The following FSTL5 variants were observed in gnomAD, a reference collection of about 807,000 sequenced individuals.
FSTL5 encodes the protein follistatin like 5.
A neutral mutation model predicts 89.1 loss-of-function variants in FSTL5; 62 were observed. That is an observed-to-expected ratio of 0.70 (90% CI 0.57 to 0.86). The LOEUF (loss-of-function observed/expected upper bound fraction) is 0.86. Ranked by LOEUF, FSTL5 falls within the 40% of genes least tolerant of loss-of-function variation. The pLI is 0.00. For missense variants in FSTL5, 1,057 were observed against 1,001.6 expected (o/e 1.06, Z -0.75); for synonymous variants, 383 against 346.2 (o/e 1.11, Z -1.18).
intron 10 of FSTL5, among the ~76,000 whole-genome samples, chr4:161,511,590 G>A (rs1000483883): frequency 1.5e-4 from 23 of 151,970 alleles, no homozygotes; most frequent in Non-Finnish European, 3.4e-4. Flanking sequence ...GGGTGGTGAT[G>A]GATGTGTTAA....
At chr4:162,042,993 G>T (rs561766768) in intron 2 of FSTL5, among the ~76,000 whole-genome samples, 3 of 150,958 alleles carry the variant, frequency 2.0e-5, no homozygotes, top group African/African-American at 7.3e-5. Context: ...TATACCTAAT[G>T]CTAGATGACG....
intron 4 of FSTL5, among the ~76,000 whole-genome samples, chr4:161,827,298 GA>G (rs1477886306): frequency 6.6e-6 from 1 of 152,244 alleles, no homozygotes. Context: ...TCTGTGATGT[GA>G]ACCGTCTTCA....
At chr4:161,885,508 C>T (rs1732780013) in intron 4 of FSTL5, among the ~76,000 whole-genome samples, 1 of 152,110 alleles carries the variant, frequency 6.6e-6, no homozygotes, top group Non-Finnish European at 1.5e-5. Context: ...TGCAGTGGTA[C>T]AATCTTGGCT....
chr4:161,837,419 A>T (rs1368713067), intron 4 of FSTL5, among the ~76,000 whole-genome samples: 1 of 152,146 alleles, frequency 6.6e-6, no homozygotes, highest in Non-Finnish European at 1.5e-5. Flanking sequence ...ATAAGTTCTG[A>T]AAATATGCCT....
At chr4:162,054,096 T>C (rs899231496) in intron 2 of FSTL5, among the ~76,000 whole-genome samples, 5 of 151,846 alleles carry the variant, frequency 3.3e-5, no homozygotes, top group Non-Finnish European at 7.4e-5. Flanking sequence ...GAGCACAATA[T>C]GCATATACAC....
chr4:162,126,810 T>A (rs989844784), intron 1 of FSTL5, among the ~76,000 whole-genome samples: 1 of 152,216 alleles, frequency 6.6e-6, no homozygotes, highest in Non-Finnish European at 1.5e-5. Flanking sequence ...TATGCACTTA[T>A]GTATTTACTT....
At chr4:161,575,540 GC>G (rs1252464758) in intron 8 of FSTL5, among the ~76,000 whole-genome samples, 1 of 151,612 alleles carries the variant, frequency 6.6e-6, no homozygotes, top group African/African-American at 2.4e-5. Flanking sequence ...TGAAACCTCT[GC>G]CCCCTGGATT....
At chr4:161,992,861 A>T (rs1415764019) in intron 3 of FSTL5, among the ~76,000 whole-genome samples, 4 of 76,262 alleles carry the variant, frequency 5.2e-5, no homozygotes, top group Admixed American at 2.0e-4. Flanking sequence ...AAAAAAAAAA[A>T]ATATATATAT....
intron 6 of FSTL5, among the ~76,000 whole-genome samples, chr4:161,731,040 T>C (rs1005621192): frequency 2.0e-5 from 3 of 152,224 alleles, no homozygotes; most frequent in Non-Finnish European, 4.4e-5. Context: ...AAAACACTTG[T>C]AGTTACCAGT....
At chr4:161,600,735 T>A (rs1433476757) in intron 7 of FSTL5, among the ~76,000 whole-genome samples, 1 of 152,140 alleles carries the variant, frequency 6.6e-6, no homozygotes. Flanking sequence ...CATAATCGAA[T>A]GGCCCAAAAA....
chr4:162,029,856 G>T (rs1378248230), intron 3 of FSTL5, among the ~76,000 whole-genome samples: 1 of 150,770 alleles, frequency 6.6e-6, no homozygotes, highest in African/African-American at 2.4e-5. Context: ...AATAAAACAT[G>T]ATCTATTTTA....
At chr4:161,757,101 T>G (rs1740596357) in intron 6 of FSTL5, among the ~76,000 whole-genome samples, 1 of 152,100 alleles carries the variant, frequency 6.6e-6, no homozygotes, top group East Asian at 1.9e-4. Context: ...TTGGGCCAGG[T>G]TTTTCTAAAT....
intron 15 of FSTL5, among the ~76,000 whole-genome samples, chr4:161,434,035 G>A (rs538319601): frequency 2.4e-4 from 36 of 151,944 alleles, no homozygotes; most frequent in African/African-American, 8.7e-4. Flanking sequence ...CATTCTTCTC[G>A]AAACAGAAAA....
intron 2 of FSTL5, among the ~76,000 whole-genome samples, chr4:162,042,314 A>G (rs1315124406): frequency 1.3e-5 from 2 of 152,178 alleles, no homozygotes; most frequent in African/African-American, 4.8e-5. Flanking sequence ...GTTTTCACCA[A>G]GATCATGTAT....
At chr4:161,779,150 T>G (rs1741528450) in intron 4 of FSTL5, among the ~76,000 whole-genome samples, 1 of 152,218 alleles carries the variant, frequency 6.6e-6, no homozygotes, top group African/African-American at 2.4e-5. Context: ...CACTCAAATT[T>G]TGATCTAATC....
intron 8 of FSTL5, among the ~76,000 whole-genome samples, chr4:161,543,243 T>A (rs1385394357): frequency 2.0e-5 from 3 of 152,040 alleles, no homozygotes; most frequent in Non-Finnish European, 4.4e-5. Flanking sequence ...ACTTTCATAC[T>A]AAATACTATG....
intron 6 of FSTL5, among the ~76,000 whole-genome samples, chr4:161,677,273 C>CTG (rs779866117): frequency 1.0e-3 from 158 of 150,612 alleles, no homozygotes; most frequent in Non-Finnish European, 1.9e-3. Context: ...GAAAGAGAGC[C>CTG]CGAGAGAGAG....
chr4:161,926,368 T>C (rs919982725), intron 3 of FSTL5, among the ~76,000 whole-genome samples: 3 of 151,172 alleles, frequency 2.0e-5, no homozygotes, highest in Non-Finnish European at 4.4e-5. Flanking sequence ...TGCAAGCTTC[T>C]TCATGTAATT....
chr4:162,077,336 C>T (rs1275818709), intron 2 of FSTL5, among the ~76,000 whole-genome samples: 3 of 151,836 alleles, frequency 2.0e-5, no homozygotes, highest in Admixed American at 6.6e-5. Flanking sequence ...CAAACACCTC[C>T]TCAGAAAACT....
Sources: gnomAD v4.1 joint callset for allele counts (sites outside exome capture counted in the v4.1 genomes callset) on GRCh38, gnomAD v4.1.1 for gene constraint, MANE v1.5 for transcripts, NCBI Gene and HGNC (gene_info 2026-07-23, HGNC 2026-07-21) for gene names.